ZNF131: variants seen among roughly 807,000 people sequenced by gnomAD.
ZNF131 encodes zinc finger and BTB domain containing 35, also known as zinc finger protein 131.
A neutral mutation model predicts 60.0 loss-of-function variants in ZNF131; 7 were observed. The ratio of observed to expected loss-of-function variants is 0.12; its 90% CI spans 0.07 to 0.22. The LOEUF is 0.22. Ranked by LOEUF, ZNF131 falls within the 10% of genes least tolerant of loss-of-function variation. The pLI, the probability that ZNF131 is intolerant of heterozygous loss-of-function variation, is 1.00. For synonymous variants in ZNF131, 257 were observed against 253.2 expected, an observed-to-expected ratio of 1.01 and a Z score of -0.14; for missense variants, 493 against 740.9, an observed-to-expected ratio of 0.67 and a Z score of 3.88.
rs749419354 is a variant in ZNF131 at position 43,174,669 on chromosome 5, A to T, written c.1408A>T (p.Thr470Ser). 2 of 1,614,078 alleles carry T rather than the reference A, an allele frequency of 1.2e-6. No homozygotes were observed. Among genetic ancestry groups the T allele is most frequent in the Non-Finnish European group, 1.7e-6 (2 of 1,180,040 alleles). ...RVQTEPVTSM[T>S]IIEQVGKVHV... ...GCAAACTGAACCTGTAACATCAATG[A>T]CTATTATAGAACAAGTTGGGAAGGT... Residue 470 changes from threonine to serine, a missense_variant, in exon 7 of 7, where the codon ACT (threonine) becomes TCT (serine). Thr to Ser is a moderately conservative substitution (Grantham distance 58). This residue lies in a region of ZNF131 where 202 missense variants were observed against 221.3 expected (regional missense o/e 0.91). Transcript: ENST00000682664.
rs1490178943 is a variant in ZNF131, at chr5:43,174,770, C to T, written c.1509C>T (p.Leu503=). 1.2e-6 allele frequency: 2 copies of T among 1,614,128 alleles called. No individual in the cohort carries two copies. The highest frequency in any genetic ancestry group is 1.7e-6 in the Non-Finnish European group (2 of 1,180,018). The change falls in exon 7 of 7, where the codon CTC becomes CTT. Residue 503 remains leucine, a synonymous_variant. Transcript: ENST00000682664. ...TGGAACAAGTCCATCCAGATCTGCT[C>T]CAGGACAGCCAGGTGCACGATTCAC... The part of the protein sequence containing the change: ...VTVEQVHPDL[L]QDSQVHDSHM...
chr5:43,131,253 A>G (rs897334889), intron 3 of ZNF131, among the ~76,000 whole-genome samples: 9 of 151,528 alleles, frequency 5.9e-5, no homozygotes, highest in African/African-American at 2.2e-4. Context: ...GCTCACTGCA[A>G]CCTCTACCTC....
intron 3 of ZNF131, among the ~76,000 whole-genome samples, chr5:43,134,661 A>G (rs1298305525): frequency 6.6e-6 from 1 of 151,044 alleles, no homozygotes; most frequent in East Asian, 1.9e-4. Flanking sequence ...ATACAAAATC[A>G]GCATACAAAA....
At chr5:43,141,128 T>G (rs1409461093) in intron 4 of ZNF131, among the ~76,000 whole-genome samples, 1 of 152,158 alleles carries the variant, frequency 6.6e-6, no homozygotes. Context: ...ATTAAACCTT[T>G]CTGACAAGAG....
At chr5:43,129,858 A>G (rs1328060273) in intron 3 of ZNF131, among the ~76,000 whole-genome samples, 3 of 151,878 alleles carry the variant, frequency 2.0e-5, no homozygotes, top group South Asian at 2.1e-4. Flanking sequence ...GGGTTTCACC[A>G]TGTTGGTCAA....
intron 3 of ZNF131, among the ~76,000 whole-genome samples, chr5:43,127,258 C>T (rs527669687): frequency 1.6e-4 from 24 of 152,056 alleles, no homozygotes; most frequent in Admixed American, 1.2e-3. Flanking sequence ...ACCAGGGAAG[C>T]GATTACAAAT....
chr5:43,153,741 G>A (rs1438976354), intron 4 of ZNF131, among the ~76,000 whole-genome samples: 5 of 152,120 alleles, frequency 3.3e-5, no homozygotes, highest in African/African-American at 9.7e-5. Flanking sequence ...CATTATCCAC[G>A]AAGTAGCCAA....
chr5:43,174,976 T>C lies in ZNF131; in HGVS notation c.1715T>C (p.Met572Thr), dbSNP rs1406203810. Residue 572 changes from methionine (M) to threonine (T), a missense_variant, in exon 7 of 7, where the codon ATG (methionine) becomes ACG (threonine). Met to Thr is a moderately conservative substitution (Grantham distance 81, BLOSUM62 -1). This residue lies in a region of ZNF131 where 202 missense variants were observed against 221.3 expected (regional missense o/e 0.91). Transcript: ENST00000682664. Reference sequence around the variant, plus strand: ...TTGGACCACGTGACCCCAGAAATCATGAACCAAGAGGAGAGAGAGTCTAGC... The same window carrying C: ...TTGGACCACGTGACCCCAGAAATCACGAACCAAGAGGAGAGAGAGTCTAGC... ...ADLDHVTPEI[M>T]NQEERESSQA... 2 of 1,613,914 alleles carry C rather than the reference T, an allele frequency of 1.2e-6. No individual in the cohort carries two copies. Among genetic ancestry groups the C allele is most frequent in the East Asian group, 2.2e-5 (1 of 44,896 alleles).
chr5:43,149,273 G>A (rs970014117), intron 4 of ZNF131, among the ~76,000 whole-genome samples: 4 of 151,426 alleles, frequency 2.6e-5, no homozygotes, highest in Admixed American at 1.3e-4. Context: ...AAAAAAAAAA[G>A]GCTGGGCACG....
At chr5:43,124,551 GGACAGA>G in intron 3 of ZNF131, 1 of 152,106 alleles carries the variant, frequency 6.6e-6, no homozygotes, top group East Asian at 1.9e-4. Context: ...TCTATAATCA[GGACAGA>G]GACATAATTA....
intron 5 of ZNF131, among the ~76,000 whole-genome samples, chr5:43,162,271 G>A (rs1749770443): frequency 1.3e-5 from 2 of 152,108 alleles, no homozygotes; most frequent in Admixed American, 1.3e-4. Context: ...CATTTCTTGT[G>A]TCGTGTTACT....
Position 43,149,540 on chromosome 5 carries a change from C to T in ZNF131, c.371+10231C>T, listed in dbSNP as rs77110909. Among the ~76,000 whole-genome samples, 489 of 152,238 alleles carry T rather than the reference C, an allele frequency of 3.2e-3. 1 individual carries two copies. The highest frequency in any genetic ancestry group is 0.011 in the African/African-American group (476 of 41,556). ...TTTTTGGACATACGCTTTCATTTTT[C>T]TTGGTAGATACCTCTTAGTAGAATA... On this transcript the variant is annotated intron_variant, in intron 4 of 6. Transcript: ENST00000682664.
At chr5:43,162,274 G>T (rs370665468) in intron 5 of ZNF131, among the ~76,000 whole-genome samples, 1 of 152,006 alleles carries the variant, frequency 6.6e-6, no homozygotes, top group Non-Finnish European at 1.5e-5. Context: ...TTCTTGTGTC[G>T]TGTTACTTAC....
chr5:43,166,682 G>A lies in ZNF131; in HGVS notation c.1054+4751G>A, dbSNP rs1222859170. Among the ~76,000 whole-genome samples, 11 of 150,116 alleles carry A rather than the reference G, an allele frequency of 7.3e-5. No homozygotes were observed. The East Asian group carries it at 2.2e-3, about 30-fold the overall frequency. ...CCGTGACCCTTTTTTTTGACACGGG[G>A]TCTCGCTCTGTCGCCCAGACTGGAG... On this transcript the variant is annotated intron_variant, in intron 5 of 6. Transcript: ENST00000682664.
chr5:43,141,767 C>CAAA (rs371036667), intron 4 of ZNF131, among the ~76,000 whole-genome samples: 9 of 132,572 alleles, frequency 6.8e-5, no homozygotes, highest in African/African-American at 8.1e-5. Context: ...GACCCTGTCT[C>CAAA]AAAAAAAAAA....
chr5:43,174,856 C>G lies in ZNF131; in HGVS notation c.1595C>G (p.Thr532Ser). 6.2e-7 allele frequency: 1 copy of G among 1,614,128 alleles called. No homozygotes were observed. The highest frequency in any genetic ancestry group is 8.5e-7 in the Non-Finnish European group (1 of 1,180,038). The stretch of plus-strand genomic sequence containing the variant: ...TATCTAGAAGTGGGCCGAATTCAGA[C>G]TGAAGAAGGTACTGAAGTACATGTA... ...VSYLEVGRIQTEEGTEVHVEE... is the reference protein window; with the variant it reads ...VSYLEVGRIQSEEGTEVHVEE... Residue 532 changes from threonine (T) to serine (S), a missense_variant, in exon 7 of 7, where the codon ACT becomes AGT. Around this residue, in one of 7 missense-constraint regions of ZNF131, gnomAD observed 202 missense variants for 221.3 expected, o/e 0.91. Transcript: ENST00000682664.
intron 4 of ZNF131, among the ~76,000 whole-genome samples, chr5:43,150,492 G>A (rs776135963): frequency 9.9e-5 from 15 of 151,968 alleles, no homozygotes; most frequent in Admixed American, 5.9e-4. Context: ...TAATCTGACC[G>A]TAGGGACCAG....
At chr5:43,157,956 G>T (rs1200230077) in intron 4 of ZNF131, among the ~76,000 whole-genome samples, 1 of 152,134 alleles carries the variant, frequency 6.6e-6, no homozygotes, top group East Asian at 1.9e-4. Flanking sequence ...ATTATTCAAG[G>T]CTTGTCTTAA....
intron 3 of ZNF131, among the ~76,000 whole-genome samples, chr5:43,134,642 A>G (rs2112208749): frequency 6.6e-6 from 1 of 151,734 alleles, no homozygotes; most frequent in South Asian, 2.1e-4. Context: ...AATTTAGTAA[A>G]GTTGCAGGAT....
Sources: allele counts gnomAD v4.1 joint callset (sites outside exome capture counted in the v4.1 genomes callset), GRCh38; gene constraint gnomAD v4.1.1; regional missense constraint gnomAD v4.1.1; transcripts MANE v1.5; gene names NCBI Gene and HGNC (gene_info 2026-07-23, HGNC 2026-07-21).